Variants in RPS6KC1 observed in about 807,000 individuals in gnomAD.
RPS6KC1 encodes inactive ribosomal protein S6 kinase delta-1.
Under a neutral mutation model 103.8 loss-of-function variants are expected in RPS6KC1, and 54 were observed. The observed-to-expected ratio is 0.52, with a 90% CI of 0.42 to 0.65. The LOEUF (loss-of-function observed/expected upper bound fraction) is 0.65, where lower values mean the gene tolerates loss of function less well. RPS6KC1 is among the 30% of genes least tolerant of loss of function. The pLI, the probability that RPS6KC1 is intolerant of heterozygous loss-of-function variation, is 0.00. For synonymous variants in RPS6KC1, 439 were observed against 438.7 expected (o/e 1.00, Z -0.01); for missense variants, 1,151 against 1,253.8 (o/e 0.92, Z 1.24).
intron 8 of RPS6KC1, among the ~76,000 whole-genome samples, chr1:213,177,325 T>C (rs2091939332): frequency 6.6e-6 from 1 of 152,234 alleles, no homozygotes; most frequent in Admixed American, 6.5e-5. Context: ...TTATTTAATA[T>C]TAAGGGATAG....
the RPS6KC1 span, chr1:213,731,269 TC>T: frequency 2.0e-5 from 3 of 152,226 alleles, no homozygotes; most frequent in Non-Finnish European, 4.4e-5. Flanking sequence ...AATAGCTTTT[TC>T]TAGTTCTGTG....
At chr1:213,257,997 T>C (rs1385824164) in intron 12 of RPS6KC1, among the ~76,000 whole-genome samples, 1 of 151,860 alleles carries the variant, frequency 6.6e-6, no homozygotes, top group Non-Finnish European at 1.5e-5. Context: ...TTTTATTTTT[T>C]TTGAGATGGA....
At chr1:213,837,071 A>T in the RPS6KC1 span, among the ~76,000 whole-genome samples, 1 of 152,238 alleles carries the variant, frequency 6.6e-6, no homozygotes, top group African/African-American at 2.4e-5. Context: ...GATTATGATT[A>T]AATAAAGCTC....
intron 8 of RPS6KC1, among the ~76,000 whole-genome samples, chr1:213,182,566 A>G (rs2092320834): frequency 6.6e-6 from 1 of 152,032 alleles, no homozygotes; most frequent in Non-Finnish European, 1.5e-5. Flanking sequence ...AAAATTCAGG[A>G]AAATGGAAAC....
intron 10 of RPS6KC1, among the ~76,000 whole-genome samples, chr1:213,235,268 T>C (rs1211062787): frequency 6.6e-6 from 1 of 152,218 alleles, no homozygotes; most frequent in Non-Finnish European, 1.5e-5. Context: ...ATGTATTGAG[T>C]GCTTGCTGGG....
chr1:213,316,794 T>G, the RPS6KC1 span, among the ~76,000 whole-genome samples: 51 of 152,178 alleles, frequency 3.4e-4, no homozygotes, highest in Non-Finnish European at 6.0e-4. Flanking sequence ...TCATTAATAA[T>G]GTGACATTGG....
intron 4 of RPS6KC1, 77 bp downstream of exon 4, chr1:213,104,646 C>T: frequency 1.3e-6 from 1 of 748,642 alleles, no homozygotes; most frequent in East Asian, 3.1e-5. Flanking sequence ...ATAAAAAATG[C>T]CACTTTTGAA....
At chr1:213,397,773 C>T in the RPS6KC1 span, among the ~76,000 whole-genome samples, 1 of 152,118 alleles carries the variant, frequency 6.6e-6, no homozygotes, top group Admixed American at 6.5e-5. Flanking sequence ...GGCAGGAGAG[C>T]TACTCATGGG....
the RPS6KC1 span, among the ~76,000 whole-genome samples, chr1:213,375,059 A>G: frequency 6.6e-6 from 1 of 151,996 alleles, no homozygotes; most frequent in Non-Finnish European, 1.5e-5. Flanking sequence ...ACACGTACAC[A>G]CATACACACA....
chr1:213,815,960 G>A, the RPS6KC1 span, among the ~76,000 whole-genome samples: 2 of 152,130 alleles, frequency 1.3e-5, no homozygotes, highest in Admixed American at 1.3e-4. Context: ...GCCATTGTAG[G>A]GTTATTATTT....
At chr1:213,428,516 TCC>T in the RPS6KC1 span, among the ~76,000 whole-genome samples, 5 of 50,094 alleles carry the variant, frequency 1.0e-4, no homozygotes, top group Admixed American at 2.5e-4. Context: ...CTTCCTTCCT[TCC>T]TCTTTCTCTC....
chr1:213,480,766 CT>C, the RPS6KC1 span, among the ~76,000 whole-genome samples: 2 of 151,988 alleles, frequency 1.3e-5, no homozygotes, highest in African/African-American at 4.8e-5. Flanking sequence ...AGTAAGTAGC[CT>C]TTTTGGCAGA....
At chr1:213,524,390 G>A in the RPS6KC1 span, among the ~76,000 whole-genome samples, 2 of 151,738 alleles carry the variant, frequency 1.3e-5, no homozygotes, top group African/African-American at 2.4e-5. Context: ...CCACTCCCCC[G>A]AGAAGGAGCA....
At chr1:213,570,033 C>G in the RPS6KC1 span, among the ~76,000 whole-genome samples, 1 of 152,176 alleles carries the variant, frequency 6.6e-6, no homozygotes, top group Non-Finnish European at 1.5e-5. Context: ...AAGGGGTAAC[C>G]TGTACAGTTT....
At chr1:213,485,727 A>C in the RPS6KC1 span, among the ~76,000 whole-genome samples, 1 of 152,192 alleles carries the variant, frequency 6.6e-6, no homozygotes, top group African/African-American at 2.4e-5. Context: ...ATGGGGTGCT[A>C]TCAGAGTCTA....
chr1:213,379,456 G>A, the RPS6KC1 span, among the ~76,000 whole-genome samples: 3 of 152,118 alleles, frequency 2.0e-5, no homozygotes, highest in Admixed American at 2.0e-4. Flanking sequence ...GCCAAAGATC[G>A]CCAGCAAACC....
chr1:213,802,424 G>T, the RPS6KC1 span, among the ~76,000 whole-genome samples: 3 of 152,326 alleles, frequency 2.0e-5, no homozygotes, highest in Non-Finnish European at 4.4e-5. Flanking sequence ...TGATGGTAAA[G>T]ATTCTCAGTA....
At chr1:213,142,408 G>A (rs1032688131) in intron 6 of RPS6KC1, among the ~76,000 whole-genome samples, 1 of 151,956 alleles carries the variant, frequency 6.6e-6, no homozygotes, top group Non-Finnish European at 1.5e-5. Context: ...GAGCTAGTAC[G>A]GTCTTTTGGA....
chr1:213,467,607 T>C, the RPS6KC1 span, among the ~76,000 whole-genome samples: 1 of 152,224 alleles, frequency 6.6e-6, no homozygotes, highest in African/African-American at 2.4e-5. Context: ...GTTTTTGTTT[T>C]TGGCAAATGA....
Sources: allele counts gnomAD v4.1 joint callset (sites outside exome capture counted in the v4.1 genomes callset), GRCh38; gene constraint gnomAD v4.1.1; transcripts MANE v1.5; gene names NCBI Gene and HGNC (gene_info 2026-07-23, HGNC 2026-07-21).